PCDHA5: variants seen among roughly 807,000 people sequenced by gnomAD.
The protein encoded by PCDHA5 is protocadherin alpha-5.
In PCDHA5, 43 loss-of-function variants were observed where a neutral mutation model predicts 61.6. That is an observed-to-expected ratio of 0.70 (90% CI 0.55 to 0.90). The LOEUF (loss-of-function observed/expected upper bound fraction) is 0.90. PCDHA5 is among the 40% of genes least tolerant of loss of function. The probability of loss-of-function intolerance (pLI) is 0.00; values close to 1 mark genes in which losing one functional copy is unlikely to be tolerated. For missense variants in PCDHA5, 1,298 were observed against 1,222.7 expected, an observed-to-expected ratio of 1.06 and a Z score of -0.92; for synonymous variants, 627 against 543.9, an observed-to-expected ratio of 1.15 and a Z score of -2.13.
chr5:140,855,941 C>A, intron 1 of PCDHA5: 1 of 1,328,220 alleles, frequency 7.5e-7, no homozygotes, highest in South Asian at 1.4e-5. Flanking sequence ...TCTGAGATCT[C>A]AGCCATTTCG....
intron 1 of PCDHA5, chr5:140,927,831 G>T: frequency 6.2e-7 from 1 of 1,614,186 alleles, no homozygotes; most frequent in Non-Finnish European, 8.5e-7. Flanking sequence ...TTGAGGCGAG[G>T]GACGAAGGTG....
At chr5:140,960,737 G>T (rs2095566221) in intron 1 of PCDHA5, among the ~76,000 whole-genome samples, 1 of 145,230 alleles carries the variant, frequency 6.9e-6, no homozygotes, top group South Asian at 2.2e-4. Context: ...CATGATTTTA[G>T]TCCATGGCTA....
At chr5:140,887,369 T>C (rs782675531) in intron 1 of PCDHA5, among the ~76,000 whole-genome samples, 1 of 152,200 alleles carries the variant, frequency 6.6e-6, no homozygotes, top group Non-Finnish European at 1.5e-5. Context: ...GTGCTGGGAT[T>C]ACAGGTGTGA....
Position 140,822,462 on chromosome 5 carries a change from C to A in PCDHA5, c.687C>A (p.Ile229=). Residue 229 remains isoleucine, a synonymous_variant, in exon 1 of 4, where the codon ATC becomes ATA. Coordinates refer to ENST00000529859, the MANE Select transcript of PCDHA5 (RefSeq NM_018908.3). ...TAACAGGTACAGTTCAGTTGTTGATCAATGTATTGGATGCTAATGATAACG... is the reference window on the plus strand; with the variant it reads ...TAACAGGTACAGTTCAGTTGTTGATAAATGTATTGGATGCTAATGATAACG... ...PELTGTVQLL[I]NVLDANDNAP... 6.2e-7 allele frequency: 1 copy of A among 1,613,516 alleles called. No homozygotes were observed. The highest frequency in any genetic ancestry group is 1.1e-5 in the South Asian group (1 of 91,054).
intron 1 of PCDHA5, chr5:140,883,321 C>T: frequency 6.2e-7 from 1 of 1,614,120 alleles, no homozygotes; most frequent in South Asian, 1.1e-5. Flanking sequence ...CAGAGGTTAC[C>T]ATCACTTCTT....
intron 1 of PCDHA5, among the ~76,000 whole-genome samples, chr5:140,889,644 C>A (rs2062317759): frequency 6.6e-6 from 1 of 151,938 alleles, no homozygotes; most frequent in African/African-American, 2.4e-5. Flanking sequence ...TTTGTGTTTG[C>A]AGGAGATGTC....
chr5:140,995,285 C>G (rs1179283452), intron 3 of PCDHA5, among the ~76,000 whole-genome samples: 1 of 152,048 alleles, frequency 6.6e-6, no homozygotes, highest in African/African-American at 2.4e-5. Flanking sequence ...ACCAAAACAG[C>G]CAGTCGGATA....
chr5:140,830,147 G>C, intron 1 of PCDHA5: 1 of 1,613,286 alleles, frequency 6.2e-7, no homozygotes, highest in Non-Finnish European at 8.5e-7. Flanking sequence ...GTCGGTGGGC[G>C]CCGCGGGCCC....
In PCDHA5 at chr5:140,863,213, A is replaced by C. The variant is rs1554157955; in HGVS notation, c.2352+39086A>C. 2.9e-6 allele frequency: 3 copies of C among 1,051,332 alleles called. No individual in the cohort carries two copies. The South Asian group carries it at 3.7e-5, about 13-fold the overall frequency. The allele number at this position is 1,051,332 out of a possible 1,614,324, so 65.1% of individuals were successfully genotyped here. On this transcript the variant is annotated intron_variant, in intron 1 of 3. Transcript: ENST00000529859. ...GTGGCGTCGCTGGCGGAGAGCAGCC[A>C]AGCGAGGAAGGTCCCATCGCGGGCT... is the stretch of plus-strand genomic sequence containing the variant.
chr5:140,983,030 T>C (rs1333101014), intron 3 of PCDHA5, among the ~76,000 whole-genome samples: 1 of 151,922 alleles, frequency 6.6e-6, no homozygotes, highest in African/African-American at 2.4e-5. Context: ...GGAAGATGGT[T>C]TCTCATGGAA....
intron 1 of PCDHA5, among the ~76,000 whole-genome samples, chr5:140,854,874 G>A (rs1554147476): frequency 6.7e-6 from 1 of 149,752 alleles, no homozygotes; most frequent in African/African-American, 2.4e-5. Context: ...TCAGAACTGT[G>A]TCTTTTGGGC....
At chr5:140,875,842 A>G (rs782682417) in intron 1 of PCDHA5, 1 of 1,614,146 alleles carries the variant, frequency 6.2e-7, no homozygotes, top group Non-Finnish European at 8.5e-7. Context: ...CGTGGAGGTG[A>G]AGGACATTAA....
chr5:140,861,445 G>A (rs1196401790), intron 1 of PCDHA5: 1 of 494,332 alleles, frequency 2.0e-6, no homozygotes, highest in Admixed American at 2.1e-5. Context: ...AAAAGCCGCA[G>A]AAACCTTCTG....
rs781995177 is a variant in PCDHA5 at position 140,857,719 on chromosome 5, G to T, written c.2352+33592G>T. 3.8e-6 allele frequency: 6 copies of T among 1,597,526 alleles called. No homozygotes were observed. The South Asian group carries it at 5.5e-5, about 15-fold the overall frequency. The stretch of plus-strand genomic sequence containing the variant: ...CGCTGCAGGTGTTCGTGCTGGACGA[G>T]AACGACAACGCTCCCGCGCTGCTGG... On this transcript the variant is annotated intron_variant, in intron 1 of 3. Transcript: ENST00000529859.
chr5:140,967,986 C>A, intron 1 of PCDHA5: 1 of 1,614,226 alleles, frequency 6.2e-7, no homozygotes, highest in Non-Finnish European at 8.5e-7. Flanking sequence ...CTGGAGGCCA[C>A]ACTGCCTTTC....
rs200630375 is a variant in PCDHA5, at chr5:140,857,325, C to A, written c.2352+33198C>A. 1.8e-5 allele frequency: 28 copies of A among 1,598,630 alleles called. 3 individuals are homozygous for A. The highest frequency in any genetic ancestry group is 3.4e-5 in the Admixed American group (2 of 59,352). Reference sequence around the variant, plus strand: ...TCGGCCTATGAGCTGGTGGTGACCGCGCGGGACGGGGGCTCGCCTCCGCTG... The same window carrying A: ...TCGGCCTATGAGCTGGTGGTGACCGAGCGGGACGGGGGCTCGCCTCCGCTG... On this transcript the variant is annotated intron_variant, in intron 1 of 3. Transcript: ENST00000529859.
At chr5:140,920,000 A>T (rs1486623735) in intron 1 of PCDHA5, among the ~76,000 whole-genome samples, 1 of 152,178 alleles carries the variant, frequency 6.6e-6, no homozygotes, top group Non-Finnish European at 1.5e-5. Flanking sequence ...GACACAGAGG[A>T]AAAGGCCATG....
rs143527239 is a variant in PCDHA5, at chr5:140,842,140, C to G, written c.2352+18013C>G. The G allele has an allele frequency of 5.6e-4, 901 of 1,613,016 alleles. 21 individuals are homozygous for G. Among genetic ancestry groups the G allele is most frequent in the Admixed American group, 4.6e-3 (273 of 59,984 alleles). On this transcript the variant is annotated intron_variant, in intron 1 of 3. Coordinates refer to ENST00000529859, the MANE Select transcript of PCDHA5 (RefSeq NM_018908.3). ...ATGCTTCTGATCCGGATGAAGGAGC[C>G]AATGGGGCAATTTCATATTCTTTTA...
intron 3 of PCDHA5, among the ~76,000 whole-genome samples, chr5:140,987,959 C>T (rs1222591572): frequency 1.3e-5 from 2 of 152,132 alleles, no homozygotes; most frequent in South Asian, 2.1e-4. Context: ...AAACCAACTC[C>T]CCATGGAAAG....
Sources: gnomAD v4.1 joint callset for allele counts (sites outside exome capture counted in the v4.1 genomes callset) on GRCh38, gnomAD v4.1.1 for gene constraint, MANE v1.5 for transcripts, NCBI Gene and HGNC (gene_info 2026-07-23, HGNC 2026-07-21) for gene names.